POU6F2: variants seen among roughly 807,000 people sequenced by gnomAD.
POU6F2 encodes the protein POU domain, class 6, transcription factor 2.
POU6F2 carries 31 observed loss-of-function variants against 71.3 expected under a neutral mutation model. That is an observed-to-expected ratio of 0.43 (90% CI 0.33 to 0.59). The LOEUF is 0.59. POU6F2 is among the 20% of genes least tolerant of loss of function. POU6F2 has a pLI of 0.04. For missense variants in POU6F2, 783 were observed against 856.8 expected, an observed-to-expected ratio of 0.91 and a Z score of 1.07; for synonymous variants, 347 against 355.7, an observed-to-expected ratio of 0.98 and a Z score of 0.27.
In POU6F2 at chr7:39,464,638, G is replaced by C. The variant is rs146111946; in HGVS notation, c.2115G>C (p.Thr705=). 6.2e-7 allele frequency: 1 copy of C among 1,608,788 alleles called. No individual in the cohort carries two copies. The highest frequency in any genetic ancestry group is 2.2e-5 in the East Asian group (1 of 44,712). ...IKRLKQHEPA[T]AVPLEPLTDS... ...GCTTAAAACAGCACGAGCCGGCCAC[G>C]GCAGTCCCTTTGGAGCCCTTAACAG... Residue 705 remains threonine, a synonymous_variant, in exon 10 of 10, where the codon ACG becomes ACC. Transcript: ENST00000518318. The surrounding 1 kb of genome is among the most constrained non-coding windows in gnomAD (Gnocchi z 4.1).
chr7:39,363,078 C>A (rs148104239), intron 5 of POU6F2, among the ~76,000 whole-genome samples: 1 of 152,076 alleles, frequency 6.6e-6, no homozygotes, highest in African/African-American at 2.4e-5. Flanking sequence ...GTCAGACTGC[C>A]GAGAGTCAGG....
chr7:39,173,402 A>C (rs1288153550), intron 2 of POU6F2, among the ~76,000 whole-genome samples: 1 of 152,240 alleles, frequency 6.6e-6, no homozygotes, highest in East Asian at 1.9e-4. Flanking sequence ...TCTGTAAAAC[A>C]GGAATAGTCA....
At chr7:39,073,800 T>C (rs537745353) in intron 1 of POU6F2, among the ~76,000 whole-genome samples, 143 of 152,288 alleles carry the variant, frequency 9.4e-4, no homozygotes, top group African/African-American at 3.3e-3. Flanking sequence ...TATTGCAGCT[T>C]GGGAACAGAG....
At position 39,260,363 on chromosome 7, in the gene POU6F2, CCA is replaced by C. The variant is rs200620141; in HGVS notation, c.598+52752_598+52753del. Among the ~76,000 whole-genome samples the C allele has an allele frequency of 3.1e-4, 47 of 150,582 alleles. 1 individual carries two copies. The East Asian group carries it at 5.1e-3, about 16-fold the overall frequency. On this transcript the variant is annotated intron_variant, in intron 4 of 9. Transcript: ENST00000518318. ...ACTCTATACACATACAACACACATA[CCA>C]CACACACATTCCATACCTTGCTCAC... is the stretch of plus-strand genomic sequence containing the variant.
intron 8 of POU6F2, among the ~76,000 whole-genome samples, chr7:39,453,926 T>C (rs1788722533): frequency 6.6e-6 from 1 of 152,172 alleles, no homozygotes; most frequent in Admixed American, 6.5e-5. Flanking sequence ...CAGGAGAGTC[T>C]AACAGTACCA....
chr7:39,005,597 T>C (rs1286691293), intron 1 of POU6F2, among the ~76,000 whole-genome samples: 6 of 146,310 alleles, frequency 4.1e-5, no homozygotes, highest in Non-Finnish European at 9.0e-5. Context: ...CCGCACGCTA[T>C]CTTGACCTGC....
intron 5 of POU6F2, among the ~76,000 whole-genome samples, chr7:39,384,259 G>C (rs1324923112): frequency 6.6e-6 from 1 of 152,192 alleles, no homozygotes; most frequent in Non-Finnish European, 1.5e-5. Flanking sequence ...CAATTGGTTT[G>C]GATCAAATGC....
intron 5 of POU6F2, among the ~76,000 whole-genome samples, chr7:39,368,163 A>G (rs1439738874): frequency 6.6e-6 from 1 of 152,252 alleles, no homozygotes; most frequent in Admixed American, 6.5e-5. Context: ...AAAGGCATTC[A>G]AAAATCAAGA....
intron 2 of POU6F2, among the ~76,000 whole-genome samples, chr7:39,109,571 TAA>T (rs1345864366): frequency 2.0e-5 from 3 of 152,180 alleles, no homozygotes; most frequent in African/African-American, 7.2e-5. Flanking sequence ...CTTATTCTCT[TAA>T]GTTAGTCCTG....
chr7:39,357,846 T>C (rs1451409293), intron 5 of POU6F2, among the ~76,000 whole-genome samples: 1 of 152,188 alleles, frequency 6.6e-6, no homozygotes, highest in Admixed American at 6.5e-5. Flanking sequence ...GGGTGGGGGC[T>C]TCAGAGTACG....
chr7:39,436,549 A>G (rs1240236283), intron 7 of POU6F2, among the ~76,000 whole-genome samples: 1 of 130,536 alleles, frequency 7.7e-6, no homozygotes, highest in Non-Finnish European at 1.6e-5. Context: ...TTCTAAATAT[A>G]AAATCATGTC....
intron 2 of POU6F2, among the ~76,000 whole-genome samples, chr7:39,140,623 C>G (rs757027273): frequency 2.6e-5 from 4 of 152,110 alleles, no homozygotes; most frequent in Non-Finnish European, 5.9e-5. Flanking sequence ...CCTATGCCTC[C>G]CTCTTTTTAG....
intron 4 of POU6F2, among the ~76,000 whole-genome samples, chr7:39,309,840 G>A (rs1785126406): frequency 6.6e-6 from 1 of 152,144 alleles, no homozygotes; most frequent in Admixed American, 6.5e-5. Context: ...TAGCTAAATT[G>A]TGGCCTTTTA....
chr7:39,158,537 A>G (rs1304395626), intron 2 of POU6F2, among the ~76,000 whole-genome samples: 1 of 152,186 alleles, frequency 6.6e-6, no homozygotes, highest in Non-Finnish European at 1.5e-5. Flanking sequence ...GGTCAGTGGC[A>G]TCACTCTCGG....
intron 2 of POU6F2, among the ~76,000 whole-genome samples, chr7:39,117,595 G>T (rs1791957871): frequency 6.6e-6 from 1 of 152,174 alleles, no homozygotes; most frequent in African/African-American, 2.4e-5. Flanking sequence ...TGGCTGAGTA[G>T]AGAAAGGTGA....
intron 5 of POU6F2, chr7:39,373,646 TG>T (rs1429299665): frequency 7.4e-6 from 3 of 406,628 alleles, no homozygotes; most frequent in African/African-American, 6.2e-5. Flanking sequence ...ACAAAGAGGC[TG>T]GGAACTGGTC....
intron 4 of POU6F2, among the ~76,000 whole-genome samples, chr7:39,292,582 T>C (rs917233873): frequency 2.0e-5 from 3 of 152,174 alleles, no homozygotes; most frequent in Middle Eastern, 3.2e-3. Flanking sequence ...TGGGATGCAT[T>C]GTTTTTATAT....
At chr7:39,388,043 G>A (rs1033722625) in intron 5 of POU6F2, among the ~76,000 whole-genome samples, 2 of 152,206 alleles carry the variant, frequency 1.3e-5, no homozygotes, top group Non-Finnish European at 2.9e-5. Flanking sequence ...CTCAGGTTAT[G>A]ACCTTTCAAA....
chr7:39,427,759 T>C (rs2116002851), intron 6 of POU6F2, among the ~76,000 whole-genome samples: 1 of 152,350 alleles, frequency 6.6e-6, no homozygotes, highest in East Asian at 1.9e-4. Flanking sequence ...CTTACGTATA[T>C]GGGCAACAAG....
Sources: allele counts gnomAD v4.1 joint callset (sites outside exome capture counted in the v4.1 genomes callset), GRCh38; gene constraint gnomAD v4.1.1; non-coding constraint Gnocchi (gnomAD v3.1); transcripts MANE v1.5; gene names NCBI Gene and HGNC (gene_info 2026-07-23, HGNC 2026-07-21).